Variants in GRIN2A observed in about 807,000 individuals in gnomAD.
GRIN2A encodes glutamate receptor ionotropic, NMDA 2A.
A neutral mutation model predicts 113.4 loss-of-function variants in GRIN2A; 22 were observed. The observed-to-expected ratio is 0.19, with a 90% confidence interval of 0.14 to 0.28. GRIN2A has a LOEUF of 0.28. Among genes scored for constraint, GRIN2A ranks in the 10% least tolerant of loss-of-function variants. The probability of loss-of-function intolerance (pLI) is 1.00; values close to 1 mark genes in which losing one functional copy is unlikely to be tolerated. For missense variants in GRIN2A, 1,502 were observed against 1,887.0 expected (o/e 0.80, Z 3.78); for synonymous variants, 827 against 738.4 (o/e 1.12, Z -1.94).
intron 2 of GRIN2A, among the ~76,000 whole-genome samples, chr16:10,036,697 C>G (rs868246232): frequency 6.6e-6 from 1 of 151,758 alleles, no homozygotes; most frequent in Non-Finnish European, 1.5e-5. Flanking sequence ...CCGCCCACCT[C>G]GGCCTCCCAA....
intron 2 of GRIN2A, among the ~76,000 whole-genome samples, chr16:9,996,363 G>A (rs1412568154): frequency 3.3e-5 from 5 of 152,178 alleles, no homozygotes; most frequent in African/African-American, 1.2e-4. Context: ...CCACGATGCA[G>A]GCTCCCTGGG....
chr16:9,771,635 T>C, intron 11 of GRIN2A, among the ~76,000 whole-genome samples: 1 of 151,432 alleles, frequency 6.6e-6, no homozygotes, highest in Middle Eastern at 3.2e-3. Context: ...GTTACTTCCT[T>C]GTGACGTCTG....
rs140805545 is a variant in GRIN2A, at chr16:9,876,984, TC to T, written c.1122+14001del. On this transcript the variant is annotated intron_variant, in intron 4 of 12. Transcript: ENST00000330684. The stretch of plus-strand genomic sequence containing the variant: ...TCATACCCCCAACTTCCACTCAACT[TC>T]CAAGGCAGATACCATCCCTGTGAAT... 8.1e-3 allele frequency among the ~76,000 whole-genome samples: 1,240 copies of T among 152,288 alleles called. 9 individuals are homozygous for T. Among genetic ancestry groups the T allele is most frequent in the Non-Finnish European group, 0.011 (723 of 68,018 alleles).
At chr16:9,993,939 G>C (rs972604167) in intron 2 of GRIN2A, among the ~76,000 whole-genome samples, 8 of 152,174 alleles carry the variant, frequency 5.3e-5, no homozygotes, top group Non-Finnish European at 7.3e-5. Flanking sequence ...CTGGTCTTCT[G>C]TTGCACCATC....
intron 2 of GRIN2A, among the ~76,000 whole-genome samples, chr16:10,132,158 C>T (rs1384086063): frequency 6.6e-6 from 1 of 151,802 alleles, no homozygotes; most frequent in Non-Finnish European, 1.5e-5. Flanking sequence ...ATAGTGAAAT[C>T]CCATCTCTTC....
At chr16:10,069,619 G>C (rs2047713182) in intron 2 of GRIN2A, among the ~76,000 whole-genome samples, 1 of 152,390 alleles carries the variant, frequency 6.6e-6, no homozygotes, top group South Asian at 2.1e-4. Context: ...GACAGATATA[G>C]TAGCAGGTTT....
At chr16:9,833,765 G>T (rs933119380) in intron 8 of GRIN2A, among the ~76,000 whole-genome samples, 2 of 152,174 alleles carry the variant, frequency 1.3e-5, no homozygotes, top group African/African-American at 2.4e-5. Flanking sequence ...TGTCCCTCAG[G>T]CTGGAGTGCA....
intron 2 of GRIN2A, among the ~76,000 whole-genome samples, chr16:10,059,126 A>G (rs1434087820): frequency 6.6e-6 from 1 of 152,228 alleles, no homozygotes; most frequent in South Asian, 2.1e-4. Context: ...TGGAGTGAAC[A>G]TAGCAATAGG....
chr16:9,973,178 G>C (rs929187401), intron 2 of GRIN2A, among the ~76,000 whole-genome samples: 1 of 152,104 alleles, frequency 6.6e-6, no homozygotes, highest in Non-Finnish European at 1.5e-5. Context: ...AGCAATTTGG[G>C]GAGGTTTAGA....
At chr16:9,915,729 G>A (rs2044236330) in intron 3 of GRIN2A, among the ~76,000 whole-genome samples, 1 of 152,096 alleles carries the variant, frequency 6.6e-6, no homozygotes, top group Admixed American at 6.5e-5. Context: ...AAATTATTTG[G>A]GTTTGTGAAC....
chr16:10,160,332 A>C (rs2049785560), intron 2 of GRIN2A, among the ~76,000 whole-genome samples: 2 of 152,340 alleles, frequency 1.3e-5, no homozygotes, highest in Admixed American at 6.5e-5. Flanking sequence ...GAACAGGAGC[A>C]CACAGCACAA....
Position 9,810,241 on chromosome 16 carries a change from C to A in GRIN2A, c.2169-11777G>T, listed in dbSNP as rs115330020. Among the ~76,000 whole-genome samples the A allele has an allele frequency of 7.3e-3, 1,105 of 152,262 alleles. 17 individuals carry two copies. Among genetic ancestry groups the A allele is most frequent in the African/African-American group, 0.025 (1,039 of 41,546 alleles). ...GTGCTGTGCATTCCTGTGGAATACACCACCACTCCCCACAGCACACCCAGA... is the reference window on the plus strand; with the variant it reads ...GTGCTGTGCATTCCTGTGGAATACAACACCACTCCCCACAGCACACCCAGA... On this transcript the variant is annotated intron_variant, in intron 10 of 12. Transcript: ENST00000330684.
Position 9,829,322 on chromosome 16 carries a change from G to A in GRIN2A, c.2007+101C>T, listed in dbSNP as rs11642764. 193,215 of 749,762 alleles carry A rather than the reference G, an allele frequency of 0.26. 26,320 individuals carry two copies. Among genetic ancestry groups the A allele is most frequent in the African/African-American group, 0.36 (20,515 of 57,190 alleles). 46.4% of individuals were successfully genotyped at this position (749,762 alleles called of 1,614,324 possible). Reference sequence around the variant, plus strand: ...AAAACCTTCTGGCTTTTGTGCATTCGAGTTGATGGATCTCAATGAGAGGCA... The same window carrying A: ...AAAACCTTCTGGCTTTTGTGCATTCAAGTTGATGGATCTCAATGAGAGGCA... On this transcript the variant is annotated intron_variant, in intron 9 of 12. Coordinates refer to ENST00000330684, the MANE Select transcript of GRIN2A (RefSeq NM_001134407.3).
chr16:10,098,997 T>C (rs1344371620), intron 2 of GRIN2A, among the ~76,000 whole-genome samples: 1 of 148,364 alleles, frequency 6.7e-6, no homozygotes, highest in African/African-American at 2.5e-5. Flanking sequence ...AAAACTAGTA[T>C]TGATTTGGGT....
intron 10 of GRIN2A, among the ~76,000 whole-genome samples, chr16:9,800,264 G>T (rs1180542494): frequency 6.6e-6 from 1 of 152,078 alleles, no homozygotes; most frequent in Admixed American, 6.6e-5. Context: ...TGCTAATTAT[G>T]ATTAGATCCC....
intron 2 of GRIN2A, among the ~76,000 whole-genome samples, chr16:10,074,871 T>G (rs1409305220): frequency 1.3e-5 from 2 of 152,240 alleles, no homozygotes; most frequent in African/African-American, 4.8e-5. Flanking sequence ...ACATGATAAA[T>G]TTTATGTGAA....
intron 2 of GRIN2A, among the ~76,000 whole-genome samples, chr16:10,053,585 T>A (rs989201983): frequency 6.6e-6 from 1 of 152,110 alleles, no homozygotes; most frequent in Non-Finnish European, 1.5e-5. Context: ...CATAGGAGTT[T>A]TAGGAGGGCA....
At chr16:10,098,933 T>TC (rs375862078) in intron 2 of GRIN2A, among the ~76,000 whole-genome samples, 16 of 106,226 alleles carry the variant, frequency 1.5e-4, no homozygotes, top group East Asian at 7.1e-4. Context: ...CTGTCCCCCC[T>TC]CCCCCCCCCA....
intron 2 of GRIN2A, among the ~76,000 whole-genome samples, chr16:9,942,468 A>G (rs34761943): frequency 0.43 from 65,011 of 152,038 alleles, 14,324 homozygotes; most frequent in Non-Finnish European, 0.45. Flanking sequence ...TGACCCTTCC[A>G]TCACATGGGT....
Sources: gnomAD v4.1 joint callset for allele counts (sites outside exome capture counted in the v4.1 genomes callset) on GRCh38, gnomAD v4.1.1 for gene constraint, MANE v1.5 for transcripts, NCBI Gene and HGNC (gene_info 2026-07-23, HGNC 2026-07-21) for gene names.